The following VPS8 variants were observed in gnomAD, a reference collection of about 807,000 sequenced individuals.
VPS8 encodes VPS8 subunit of CORVET complex.
A neutral mutation model predicts 216.4 loss-of-function variants in VPS8; 129 were observed. The ratio of observed to expected loss-of-function variants is 0.60; its 90% CI spans 0.52 to 0.69. The LOEUF is 0.69. VPS8 is among the 30% of genes least tolerant of loss of function. The pLI, the probability that VPS8 is intolerant of heterozygous loss-of-function variation, is 0.00. For missense variants in VPS8, 1,531 were observed against 1,683.5 expected (o/e 0.91, Z 1.59); for synonymous variants, 571 against 565.4 (o/e 1.01, Z -0.14).
intron 39 of VPS8, among the ~76,000 whole-genome samples, chr3:184,967,001 C>T (rs532250077): frequency 1.4e-5 from 2 of 147,658 alleles, no homozygotes; most frequent in African/African-American, 5.0e-5. Context: ...GGCTTTCGCT[C>T]TGTTGCCCAG....
At chr3:184,863,439 C>A (rs868829029) in intron 16 of VPS8, among the ~76,000 whole-genome samples, 6 of 152,168 alleles carry the variant, frequency 3.9e-5, no homozygotes, top group African/African-American at 7.2e-5. Flanking sequence ...GGATAAATAA[C>A]TACAGACAGG....
At chr3:184,880,348 A>G (rs866569137) in intron 21 of VPS8, among the ~76,000 whole-genome samples, 31 of 151,196 alleles carry the variant, frequency 2.1e-4, no homozygotes, top group African/African-American at 7.3e-4. Context: ...TCTGATACCC[A>G]GTAGTCTGTT....
intron 13 of VPS8, 58 bp from the exon 14 acceptor site, chr3:184,855,653 C>T: frequency 7.4e-7 from 1 of 1,354,182 alleles, no homozygotes; most frequent in Non-Finnish European, 1.0e-6. Flanking sequence ...CCATAGTTTT[C>T]TCTTTGTCCC....
chr3:184,929,340 C>T (rs1320948562), intron 32 of VPS8, among the ~76,000 whole-genome samples: 1 of 152,174 alleles, frequency 6.6e-6, no homozygotes, highest in African/African-American at 2.4e-5. Context: ...ATGACAGGCA[C>T]ATGCCACCAT....
intron 17 of VPS8, among the ~76,000 whole-genome samples, 167 bp downstream of exon 17, chr3:184,867,117 C>T (rs1187490017): frequency 6.6e-6 from 1 of 152,106 alleles, no homozygotes; most frequent in Admixed American, 6.5e-5. Flanking sequence ...TTATTTTTTT[C>T]CTCTACTTTT....
chr3:184,830,603 C>T (rs184864565), intron 3 of VPS8, among the ~76,000 whole-genome samples: 3 of 151,662 alleles, frequency 2.0e-5, no homozygotes, highest in Non-Finnish European at 2.9e-5. Context: ...TCTTTTTTTC[C>T]CTTCACTTTT....
chr3:185,049,362 G>A (rs1713674256), intron 47 of VPS8, among the ~76,000 whole-genome samples: 1 of 152,104 alleles, frequency 6.6e-6, no homozygotes, highest in South Asian at 2.1e-4. Flanking sequence ...CCTCAGGAAT[G>A]ATACCTCTGT....
At chr3:185,005,822 T>A (rs1467207423) in intron 45 of VPS8, among the ~76,000 whole-genome samples, 3 of 152,114 alleles carry the variant, frequency 2.0e-5, no homozygotes, top group Non-Finnish European at 4.4e-5. Flanking sequence ...GTTTTTAAGG[T>A]ACACAATCAT....
At chr3:184,923,946 T>C (rs1378255575) in intron 29 of VPS8, among the ~76,000 whole-genome samples, 3 of 152,256 alleles carry the variant, frequency 2.0e-5, no homozygotes, top group Admixed American at 1.3e-4. Context: ...TTTGTGCCCT[T>C]ATAATAGCAG....
At chr3:184,863,435 A>T (rs996763985) in intron 16 of VPS8, among the ~76,000 whole-genome samples, 1 of 152,232 alleles carries the variant, frequency 6.6e-6, no homozygotes, top group Non-Finnish European at 1.5e-5. Flanking sequence ...TAAGGGATAA[A>T]TAACTACAGA....
intron 9 of VPS8, 49 bp from the exon 10 acceptor site, chr3:184,849,887 C>CA: frequency 2.0e-6 from 3 of 1,467,474 alleles, no homozygotes; most frequent in South Asian, 1.2e-5. Flanking sequence ...TACTTAAGTC[C>CA]AAAAAAAGAG....
chr3:184,933,580 C>T (rs181374475), intron 34 of VPS8, among the ~76,000 whole-genome samples: 61 of 151,974 alleles, frequency 4.0e-4, no homozygotes, highest in African/African-American at 1.4e-3. Context: ...ATTTCCCCCC[C>T]TCTTTATGTC....
At chr3:184,995,295 C>T (rs916517095) in intron 43 of VPS8, among the ~76,000 whole-genome samples, 1 of 151,860 alleles carries the variant, frequency 6.6e-6, no homozygotes, top group Admixed American at 6.6e-5. Flanking sequence ...TTTAAGAATC[C>T]GAGAGAAGAA....
chr3:184,991,590 C>T (rs544508305), intron 42 of VPS8, among the ~76,000 whole-genome samples: 46 of 152,190 alleles, frequency 3.0e-4, no homozygotes, highest in Non-Finnish European at 5.3e-4. Flanking sequence ...CCACCCTTGT[C>T]GAAAACACAT....
Position 184,824,645 on chromosome 3 carries a change from C to G in VPS8, c.13C>G (p.Pro5Ala). The G allele has an allele frequency of 6.2e-7, 1 of 1,613,390 alleles. No homozygotes were observed. The highest frequency in any genetic ancestry group is 2.2e-5 in the East Asian group (1 of 44,862). MENE[P>A]DHENVEQSLC... is the part of the protein sequence containing the mutation. ...ATTAGAAGTAAATATGGAAAATGAA[C>G]CAGACCATGAAAATGTGGAACAGAG... Residue 5 changes from proline (P) to alanine (A), a missense_variant, in exon 2 of 48, where the codon CCA (proline) becomes GCA (alanine). Coordinates refer to ENST00000625842, the MANE Select transcript of VPS8 (RefSeq NM_001009921.3).
Position 184,817,788 on chromosome 3 carries a change from T to C in VPS8, c.-89+5563T>C, listed in dbSNP as rs1386118008. 2.0e-5 allele frequency among the ~76,000 whole-genome samples: 3 copies of C among 152,242 alleles called. No homozygotes were observed. The East Asian group carries it at 5.8e-4, about 29-fold the overall frequency. On this transcript the variant is annotated intron_variant, in intron 1 of 47. Coordinates refer to ENST00000625842, the MANE Select transcript of VPS8 (RefSeq NM_001009921.3). ...CATTTTTCGAATGTCTACCTAGCTG[T>C]GCAAGCCAGTAAGCCCAGTGATGTG... is the stretch of plus-strand genomic sequence containing the variant.
At chr3:184,930,444 A>G (rs1740470447) in intron 33 of VPS8, 26 bp from the exon 34 acceptor site, 1 of 1,547,324 alleles carries the variant, frequency 6.5e-7, no homozygotes, top group African/African-American at 1.4e-5. Flanking sequence ...GTGAATGAAT[A>G]AATTATATTG....
At position 184,845,943 on chromosome 3, in the gene VPS8, A is replaced by G. The variant is rs139538677; in HGVS notation, c.541+2698A>G. 1.9e-3 allele frequency among the ~76,000 whole-genome samples: 283 copies of G among 152,260 alleles called. 4 individuals are homozygous for G. In the East Asian group the frequency reaches 0.038, roughly 21 times the overall value. On this transcript the variant is annotated intron_variant, in intron 8 of 47. Transcript: ENST00000625842. ...TGTGATGAGCACTTAGTAATATTCA[A>G]GGGACACTGAATTGGTTCCTTTGTG...
At chr3:184,999,891 A>G (rs1391963481) in intron 45 of VPS8, 30 bp downstream of exon 45, 4 of 1,582,568 alleles carry the variant, frequency 2.5e-6, no homozygotes, top group South Asian at 1.2e-5. Context: ...CAAAATGGAA[A>G]TGGTCTTTTC....
Sources: gnomAD v4.1 joint callset for allele counts (sites outside exome capture counted in the v4.1 genomes callset) on GRCh38, gnomAD v4.1.1 for gene constraint, MANE v1.5 for transcripts, NCBI Gene and HGNC (gene_info 2026-07-23, HGNC 2026-07-21) for gene names.